Variants in SCAND3 observed in about 807,000 individuals in gnomAD.
The protein encoded by SCAND3 is SCAN domain containing 3, also known as SCAN domain-containing protein 3.
chr6:28,597,339 A>G, the SCAND3 span, among the ~76,000 whole-genome samples: 41 of 152,336 alleles, frequency 2.7e-4, no homozygotes, highest in African/African-American at 7.7e-4. Flanking sequence ...ACCTCCAGAA[A>G]CGACGAGGAT....
At chr6:28,609,685 A>C in the SCAND3 span, among the ~76,000 whole-genome samples, 2 of 152,216 alleles carry the variant, frequency 1.3e-5, no homozygotes, top group Non-Finnish European at 2.9e-5. Flanking sequence ...ACCAAAGCTA[A>C]ATTTTATATC....
chr6:28,607,256 C>T, the SCAND3 span, among the ~76,000 whole-genome samples: 1 of 152,182 alleles, frequency 6.6e-6, no homozygotes. Flanking sequence ...ACTTTCTCCT[C>T]TCAATGGACC....
chr6:28,573,166 T>A, the SCAND3 span: 3 of 1,613,594 alleles, frequency 1.9e-6, no homozygotes, highest in African/African-American at 4.0e-5. Flanking sequence ...GTTAGCAATA[T>A]CTCTGCATTC....
At chr6:28,601,248 A>T in the SCAND3 span, among the ~76,000 whole-genome samples, 4 of 152,126 alleles carry the variant, frequency 2.6e-5, no homozygotes, top group Non-Finnish European at 5.9e-5. Context: ...TTAGACATAT[A>T]CTGAAGTATT....
chr6:28,613,058 A>G, the SCAND3 span, among the ~76,000 whole-genome samples: 1 of 152,174 alleles, frequency 6.6e-6, no homozygotes, highest in Non-Finnish European at 1.5e-5. Flanking sequence ...TAGATATTAT[A>G]AAATTTAATA....
chr6:28,602,570 C>G, the SCAND3 span, among the ~76,000 whole-genome samples: 3 of 152,182 alleles, frequency 2.0e-5, 1 homozygote, highest in East Asian at 3.8e-4. Context: ...TTCTCTGCCC[C>G]AATACCTCAT....
the SCAND3 span, among the ~76,000 whole-genome samples, chr6:28,608,966 C>A: frequency 2.0e-5 from 3 of 151,636 alleles, no homozygotes; most frequent in South Asian, 2.1e-4. Context: ...GCACTCCAGC[C>A]TCGGAAAACA....
the SCAND3 span, among the ~76,000 whole-genome samples, chr6:28,610,628 C>T: frequency 7.4e-4 from 112 of 152,250 alleles, 1 homozygote; most frequent in African/African-American, 2.5e-3. Flanking sequence ...GTAGTTTATA[C>T]TTTGATGTGT....
At chr6:28,609,948 A>C in the SCAND3 span, among the ~76,000 whole-genome samples, 1 of 152,226 alleles carries the variant, frequency 6.6e-6, no homozygotes, top group Non-Finnish European at 1.5e-5. Flanking sequence ...CATGGAGTCC[A>C]GGCAAGTTGG....
At chr6:28,609,810 A>G in the SCAND3 span, among the ~76,000 whole-genome samples, 5 of 152,374 alleles carry the variant, frequency 3.3e-5, no homozygotes, top group Non-Finnish European at 5.9e-5. Context: ...CAAATAGATA[A>G]AAACCATTTG....
At chr6:28,571,775 C>A in the SCAND3 span, 1 of 1,047,860 alleles carries the variant, frequency 9.5e-7, no homozygotes, top group Non-Finnish European at 1.3e-6. Context: ...TAGAAAATTG[C>A]TGTTTCACTC....
the SCAND3 span, among the ~76,000 whole-genome samples, chr6:28,576,574 C>A: frequency 6.6e-6 from 1 of 151,548 alleles, no homozygotes; most frequent in Non-Finnish European, 1.5e-5. Context: ...AGGGGGATAC[C>A]ATTTTGATTA....
chr6:28,578,451 C>A, the SCAND3 span, among the ~76,000 whole-genome samples: 4 of 152,154 alleles, frequency 2.6e-5, no homozygotes, highest in Non-Finnish European at 5.9e-5. Context: ...CACGTTACTA[C>A]ATCTAGTGTT....
chr6:28,573,445 A>G, the SCAND3 span: 1 of 1,614,106 alleles, frequency 6.2e-7, no homozygotes, highest in Non-Finnish European at 8.5e-7. Context: ...ACTAATGTTT[A>G]TATGAGAAAC....
At chr6:28,590,460 T>G in the SCAND3 span, 1 of 152,196 alleles carries the variant, frequency 6.6e-6, no homozygotes, top group African/African-American at 2.4e-5. Flanking sequence ...CCGGAAGGTC[T>G]GGAAAATTCC....
the SCAND3 span, chr6:28,586,277 A>T: frequency 6.4e-7 from 1 of 1,566,880 alleles, no homozygotes; most frequent in Non-Finnish European, 8.7e-7. This position sits in a 1 kb window ranked among gnomAD's most constrained non-coding sequence, Gnocchi z 4.4. Flanking sequence ...TCCACAGAAG[A>T]TGGCACCTCC....
chr6:28,576,201 C>A, the SCAND3 span: 1 of 1,278,266 alleles, frequency 7.8e-7, no homozygotes, highest in Non-Finnish European at 1.1e-6. Context: ...CATATATTGC[C>A]AAAGGAGCCA....
At chr6:28,604,509 G>A in the SCAND3 span, among the ~76,000 whole-genome samples, 1 of 151,726 alleles carries the variant, frequency 6.6e-6, no homozygotes, top group African/African-American at 2.4e-5. Context: ...CCAGCTATTC[G>A]GGAGGCTGAG....
the SCAND3 span, chr6:28,572,616 T>C: frequency 6.2e-7 from 1 of 1,614,046 alleles, no homozygotes; most frequent in Non-Finnish European, 8.5e-7. The surrounding 1 kb of genome is among the most constrained non-coding windows in gnomAD (Gnocchi z 4.1). Context: ...CTTTAAAAAG[T>C]TGGGACCACA....
Sources: gnomAD v4.1 joint callset for allele counts (sites outside exome capture counted in the v4.1 genomes callset) on GRCh38, gnomAD v4.1.1 for gene constraint, Gnocchi (gnomAD v3.1) non-coding constraint, MANE v1.5 for transcripts, NCBI Gene and HGNC (gene_info 2026-07-23, HGNC 2026-07-21) for gene names.